Variants in TTBK1 observed in about 807,000 individuals in gnomAD.
The protein encoded by TTBK1 is tau-tubulin kinase 1.
TTBK1 carries 34 observed loss-of-function variants against 108.5 expected under a neutral mutation model. The ratio of observed to expected loss-of-function variants is 0.31; its 90% confidence interval spans 0.24 to 0.42. The LOEUF (loss-of-function observed/expected upper bound fraction) is 0.42, where lower values mean the gene tolerates loss of function less well. Among genes scored for constraint, TTBK1 ranks in the 10% least tolerant of loss-of-function variants. The pLI is 1.00. For missense variants in TTBK1, 1,539 were observed against 1,826.0 expected (o/e 0.84, Z 2.86); for synonymous variants, 809 against 795.1 (o/e 1.02, Z -0.29).
At chr6:43,271,193 G>A in intron 13 of TTBK1, 2 of 985,518 alleles carry the variant, frequency 2.0e-6, no homozygotes, top group South Asian at 4.7e-5. Context: ...ATGGGGAGGG[G>A]AGGAGGCCCA....
intron 13 of TTBK1, chr6:43,270,742 C>T: frequency 1.0e-6 from 1 of 985,404 alleles, no homozygotes; most frequent in Non-Finnish European, 1.2e-6. Flanking sequence ...TGGGATCCAC[C>T]TCCCAAGGCA....
intron 1 of TTBK1, among the ~76,000 whole-genome samples, chr6:43,245,489 C>G (rs1777061609): frequency 1.3e-5 from 2 of 152,132 alleles, no homozygotes; most frequent in African/African-American, 4.8e-5. Flanking sequence ...CACAAGAACA[C>G]ACAGATACAG....
rs957727098 is a variant in TTBK1, at chr6:43,263,724, C to T, written c.1986+374C>T. 1.3e-5 allele frequency among the ~76,000 whole-genome samples: 2 copies of T among 152,180 alleles called. No homozygotes were observed. Among genetic ancestry groups the T allele is most frequent in the South Asian group, 2.1e-4 (1 of 4,834 alleles). On this transcript the variant is annotated intron_variant, in intron 13 of 14. Transcript: ENST00000259750. This position sits in a 1 kb window ranked among gnomAD's most constrained non-coding sequence, Gnocchi z 4.7. ...GTGAGGTCAGCCCTGGGCCCTGCCA[C>T]GGAGGGACTTGGGGCTATACTAAGG...
Position 43,263,120 on chromosome 6 carries a change from C to A in TTBK1, c.1756C>A (p.Arg586=), listed in dbSNP as rs535076478. Residue 586 remains arginine, a synonymous_variant, in exon 13 of 15, where the codon CGG becomes AGG. Coordinates refer to ENST00000259750, the MANE Select transcript of TTBK1 (RefSeq NM_032538.3). The surrounding 1 kb of genome is among the most constrained non-coding windows in gnomAD (Gnocchi z 4.7). The part of the protein sequence containing the change: ...PLPEEGEERR[R]LGAEPTVRPR... ...GCCCGAGGAGGGCGAAGAGCGGCGG[C>A]GGCTGGGGGCAGAGCCCACCGTCCG... The A allele has an allele frequency of 1.2e-5, 19 of 1,565,292 alleles. No homozygotes were observed. In the South Asian group the frequency reaches 2.2e-4, roughly 18 times the overall value.
intron 2 of TTBK1, among the ~76,000 whole-genome samples, chr6:43,250,249 C>T (rs1209641214): frequency 6.6e-6 from 1 of 151,730 alleles, no homozygotes; most frequent in Non-Finnish European, 1.5e-5. Flanking sequence ...GCTTGAATCT[C>T]AGCACTCACA....
intron 13 of TTBK1, among the ~76,000 whole-genome samples, chr6:43,272,943 G>A (rs1777874142): frequency 6.6e-6 from 1 of 152,206 alleles, no homozygotes; most frequent in Non-Finnish European, 1.5e-5. Flanking sequence ...TATTTTGAAA[G>A]TGGTGTTTTC....
Position 43,253,828 on chromosome 6 carries a change from C to G in TTBK1, c.471+120C>G. On this transcript the variant is annotated intron_variant, in intron 5 of 14. Coordinates refer to ENST00000259750, the MANE Select transcript of TTBK1 (RefSeq NM_032538.3). The surrounding 1 kb of genome is among the most constrained non-coding windows in gnomAD (Gnocchi z 5.8). ...GTTGGGACTTGTGATGGGACAGCCT[C>G]TTCTCCCCAAGCCCCTCCTGCTCTC... is the stretch of plus-strand genomic sequence containing the variant. 2 of 1,325,564 alleles carry G rather than the reference C, an allele frequency of 1.5e-6. No homozygotes were observed. Among genetic ancestry groups the G allele is most frequent in the Non-Finnish European group, 2.0e-6 (2 of 987,370 alleles). 82.1% of individuals were successfully genotyped at this position (1,325,564 alleles called of 1,614,324 possible).
chr6:43,284,477 C>T lies in TTBK1; in HGVS notation c.3572+165C>T, dbSNP rs141475844. On this transcript the variant is annotated intron_variant, in intron 14 of 14. Coordinates refer to ENST00000259750, the MANE Select transcript of TTBK1 (RefSeq NM_032538.3). Reference sequence around the variant, plus strand: ...AACTGTGCTCTGCCTCACTCTGATTCGGGTTCCAGCCCTGTCACTGGGCTC... The same window carrying T: ...AACTGTGCTCTGCCTCACTCTGATTTGGGTTCCAGCCCTGTCACTGGGCTC... 4.6e-3 allele frequency among the ~76,000 whole-genome samples: 702 copies of T among 151,048 alleles called. 9 individuals are homozygous for T. The highest frequency in any genetic ancestry group is 0.015 in the African/African-American group (629 of 40,858).
intron 13 of TTBK1, among the ~76,000 whole-genome samples, chr6:43,279,758 T>TTTGTTGTTG (rs111607015): frequency 4.6e-5 from 7 of 150,886 alleles, no homozygotes; most frequent in African/African-American, 1.7e-4. Context: ...GACAAAGTTT[T>TTTGTTGTTG]TTGTTGTTGT....
Position 43,284,060 on chromosome 6 carries a change from C to A in TTBK1, c.3320C>A (p.Ser1107Ter). ...RQGRLLLRLA[S>*]GASSSSSEEQ... ...GGCCGCCTGCTGTTGCGGCTGGCCTCAGGGGCCTCGTCCTCCTCCAGTGAG... is the reference window on the plus strand; with the variant it reads ...GGCCGCCTGCTGTTGCGGCTGGCCTAAGGGGCCTCGTCCTCCTCCAGTGAG... The change falls in exon 14 of 15, where the codon TCA (serine) becomes TAA (stop). Residue 1107 changes from serine (S) to a stop codon, truncating the protein, a stop_gained. Transcript: ENST00000259750. LOFTEE classifies it high-confidence loss of function. 6.5e-7 allele frequency: 1 copy of A among 1,540,762 alleles called. No individual in the cohort carries two copies.
chr6:43,244,957 G>A (rs566956114), intron 1 of TTBK1, among the ~76,000 whole-genome samples: 1 of 152,294 alleles, frequency 6.6e-6, no homozygotes, highest in East Asian at 1.9e-4. Flanking sequence ...GGCAGAAAGA[G>A]GGAAGTCCTG....
intron 13 of TTBK1, among the ~76,000 whole-genome samples, chr6:43,279,913 A>G (rs1006122533): frequency 6.6e-6 from 1 of 150,726 alleles, no homozygotes; most frequent in Non-Finnish European, 1.5e-5. Flanking sequence ...ACGCCCAGCT[A>G]ATTTTTGTAT....
At chr6:43,255,248 TG>T in intron 7 of TTBK1, 134 bp downstream of exon 7, 1 of 841,752 alleles carries the variant, frequency 1.2e-6, no homozygotes, top group Middle Eastern at 3.1e-4. Flanking sequence ...GACCCTGGGC[TG>T]GAGGAAGGCC....
intron 1 of TTBK1, among the ~76,000 whole-genome samples, chr6:43,245,538 TAGAC>T (rs111309283): frequency 0.062 from 9,417 of 151,944 alleles, 469 homozygotes; most frequent in African/African-American, 0.14. Context: ...ACAGAAAAGA[TAGAC>T]AAAGAAAGAC....
chr6:43,251,268 C>T (rs184681031), intron 2 of TTBK1, among the ~76,000 whole-genome samples: 153 of 152,280 alleles, frequency 1.0e-3, no homozygotes, highest in African/African-American at 3.5e-3. Context: ...AACAGACGTT[C>T]GGGGCGGGTT....
At position 43,283,438 on chromosome 6, in the gene TTBK1, C is replaced by T; in HGVS notation, c.2698C>T (p.Pro900Ser). ...CAAGTCTGAGCCCAAGCCCCCGGGG[C>T]CTGGGGCAGGGCTGGGGGCCGGGAC... ...VLKSEPKPPG[P>S]GAGLGAGTVT... The change falls in exon 14 of 15, where the codon CCT becomes TCT. Residue 900 changes from proline to serine, a missense_variant. By Grantham distance (74) the Pro-to-Ser change is moderately conservative. This residue lies in a region of TTBK1 where 1,055 missense variants were observed against 1,086.5 expected (regional missense o/e 0.97). Coordinates refer to ENST00000259750, the MANE Select transcript of TTBK1 (RefSeq NM_032538.3). This position sits in a 1 kb window ranked among gnomAD's most constrained non-coding sequence, Gnocchi z 8.1. 6.2e-7 allele frequency: 1 copy of T among 1,613,570 alleles called. No individual in the cohort carries two copies. Among genetic ancestry groups the T allele is most frequent in the Non-Finnish European group, 8.5e-7 (1 of 1,179,778 alleles).
chr6:43,269,966 CT>C lies in TTBK1; in HGVS notation c.1986+6617del, dbSNP rs770800588. The C allele has an allele frequency of 1.7e-4, 238 of 1,433,542 alleles. No homozygotes were observed. In the African/African-American group the frequency reaches 3.0e-3, roughly 18 times the overall value. 88.8% of individuals were successfully genotyped at this position (1,433,542 alleles called of 1,614,324 possible). A position where few individuals can be genotyped will look rare whatever the true frequency, so the allele number is the denominator to read the frequency against. ...ACAAGACCTAGGCTGGGCCCCCCCC[CT>C]CCTGGAGGGGGCAGGTGGGGGGGGG... On this transcript the variant is annotated intron_variant, in intron 13 of 14. Transcript: ENST00000259750. The surrounding 1 kb of genome is among the most constrained non-coding windows in gnomAD (Gnocchi z 4.8).
intron 1 of TTBK1, among the ~76,000 whole-genome samples, chr6:43,246,086 C>T (rs1464994722): frequency 6.6e-6 from 1 of 152,230 alleles, no homozygotes; most frequent in East Asian, 1.9e-4. Flanking sequence ...AGTGCCTCCC[C>T]TCATTTTCTT....
chr6:43,247,530 G>A (rs1777126488), intron 2 of TTBK1, among the ~76,000 whole-genome samples: 1 of 152,084 alleles, frequency 6.6e-6, no homozygotes, highest in Admixed American at 6.5e-5. Context: ...GGCAGACTGT[G>A]GGCGGCAGTG....
Sources: gnomAD v4.1 joint callset for allele counts (sites outside exome capture counted in the v4.1 genomes callset) on GRCh38, gnomAD v4.1.1 for gene constraint, gnomAD v4.1.1 regional missense constraint, Gnocchi (gnomAD v3.1) non-coding constraint, MANE v1.5 for transcripts, NCBI Gene and HGNC (gene_info 2026-07-23, HGNC 2026-07-21) for gene names.